Variants in TLE1 observed in about 807,000 individuals in gnomAD.
TLE1 encodes the protein TLE family member 1, transcriptional corepressor.
A neutral mutation model predicts 89.8 loss-of-function variants in TLE1; 21 were observed. That is an observed-to-expected ratio of 0.23 (90% CI 0.17 to 0.34). TLE1 has a LOEUF of 0.34. Among genes scored for constraint, TLE1 ranks in the 10% least tolerant of loss-of-function variants. TLE1 has a pLI of 1.00. For synonymous variants in TLE1, 447 were observed against 407.6 expected, an observed-to-expected ratio of 1.10 and a Z score of -1.16; for missense variants, 795 against 1,031.2, an observed-to-expected ratio of 0.77 and a Z score of 3.14.
intron 14 of TLE1, among the ~76,000 whole-genome samples, chr9:81,608,130 T>C (rs1831929137): frequency 6.6e-6 from 1 of 152,106 alleles, no homozygotes; most frequent in Non-Finnish European, 1.5e-5. Flanking sequence ...TTCACCATGC[T>C]GGGCGTGGTG....
Position 81,688,961 on chromosome 9 carries a change from T to G in TLE1, c.-721A>C, listed in dbSNP as rs1834710377. The stretch of plus-strand genomic sequence containing the variant: ...TCGGCACGCCCCGTGCGACCAGCAC[T>G]CGGTGTTCTCCGCGGTTGCACAAAC... On this transcript the variant is annotated 5_prime_UTR_variant, in exon 1 of 20. Transcript: ENST00000376499. 1 of 152,128 alleles carries G rather than the reference T, an allele frequency of 6.6e-6. No homozygotes were observed. Among genetic ancestry groups the G allele is most frequent in the African/African-American group, 2.4e-5 (1 of 41,362 alleles). 9.4% of individuals were successfully genotyped at this position (152,128 alleles called of 1,614,324 possible).
At chr9:81,612,412 A>C in intron 12 of TLE1, 1 of 959,962 alleles carries the variant, frequency 1.0e-6, no homozygotes, top group Non-Finnish European at 1.2e-6. Flanking sequence ...ACGTAAACCA[A>C]AGCACGGGTT....
At chr9:81,666,935 T>C (rs976962979) in intron 4 of TLE1, among the ~76,000 whole-genome samples, 6 of 151,550 alleles carry the variant, frequency 4.0e-5, no homozygotes, top group Admixed American at 1.3e-4. Flanking sequence ...CTGGGCAACA[T>C]AGTGAGACCT....
At chr9:81,624,251 G>T (rs1825648965) in intron 8 of TLE1, among the ~76,000 whole-genome samples, 1 of 152,118 alleles carries the variant, frequency 6.6e-6, no homozygotes, top group South Asian at 2.1e-4. Context: ...ATAGAAACGT[G>T]TAATTTTTAA....
intron 14 of TLE1, among the ~76,000 whole-genome samples, chr9:81,608,503 G>C (rs1187838024): frequency 6.6e-6 from 1 of 152,082 alleles, no homozygotes; most frequent in East Asian, 1.9e-4. Context: ...AACAGAGCAA[G>C]ACCCTGTTTC....
intron 18 of TLE1, among the ~76,000 whole-genome samples, chr9:81,585,275 T>A (rs1263956467): frequency 6.6e-6 from 1 of 152,080 alleles, no homozygotes; most frequent in Non-Finnish European, 1.5e-5. Flanking sequence ...CAAACTTGTG[T>A]CCAAACCGTG....
chr9:81,652,058 T>G, intron 6 of TLE1, 156 bp downstream of exon 6: 1 of 659,462 alleles, frequency 1.5e-6, no homozygotes, highest in Non-Finnish European at 2.5e-6. Flanking sequence ...ACATCCCAAG[T>G]CTCTTCCTCT....
At chr9:81,625,709 G>A (rs1825811568) in intron 8 of TLE1, among the ~76,000 whole-genome samples, 1 of 152,006 alleles carries the variant, frequency 6.6e-6, no homozygotes, top group African/African-American at 2.4e-5. Flanking sequence ...ACTTTATCCT[G>A]ACCATTCAAC....
intron 13 of TLE1, among the ~76,000 whole-genome samples, chr9:81,611,427 G>A (rs554607147): frequency 6.6e-6 from 1 of 152,148 alleles, no homozygotes; most frequent in South Asian, 2.1e-4. Flanking sequence ...TGAACCACTC[G>A]AATCATTTCA....
At position 81,584,033 on chromosome 9, in the gene TLE1, T is replaced by G. The variant is rs1156734075; in HGVS notation, c.*165A>C. Reference sequence around the variant, plus strand: ...ATGTAGACAGGTGACTTTCTGCTGATGGACTTGTCGCCTCCTCTTTGTAGA... The same window carrying G: ...ATGTAGACAGGTGACTTTCTGCTGAGGGACTTGTCGCCTCCTCTTTGTAGA... On this transcript the variant is annotated 3_prime_UTR_variant, in exon 20 of 20. Coordinates refer to ENST00000376499, the MANE Select transcript of TLE1 (RefSeq NM_005077.5). 3.2e-6 allele frequency: 2 copies of G among 634,532 alleles called. No homozygotes were observed. Among genetic ancestry groups the G allele is most frequent in the African/African-American group, 3.7e-5 (2 of 54,468 alleles). The allele number at this position is 634,532 out of a possible 1,614,324, so 39.3% of individuals were successfully genotyped here.
At chr9:81,650,997 T>A (rs879702282) in intron 6 of TLE1, among the ~76,000 whole-genome samples, 18 of 152,204 alleles carry the variant, frequency 1.2e-4, no homozygotes, top group Non-Finnish European at 2.4e-4. Context: ...CATTCTTTAA[T>A]CCTCCTTGGC....
At chr9:81,664,912 T>C (rs1269873116) in intron 4 of TLE1, among the ~76,000 whole-genome samples, 2 of 152,216 alleles carry the variant, frequency 1.3e-5, no homozygotes, top group South Asian at 2.1e-4. Context: ...CCTGAGGCTC[T>C]TGGACTGGGG....
At chr9:81,650,948 T>C (rs1025117095) in intron 6 of TLE1, among the ~76,000 whole-genome samples, 2 of 152,186 alleles carry the variant, frequency 1.3e-5, no homozygotes, top group Non-Finnish European at 2.9e-5. Context: ...AGATCTGCAA[T>C]TGAGAAACTG....
chr9:81,585,490 T>C lies in TLE1; in HGVS notation c.2128+15A>G, dbSNP rs755553931. The C allele has an allele frequency of 7.5e-6, 12 of 1,605,142 alleles. No individual in the cohort carries two copies. The highest frequency in any genetic ancestry group is 6.8e-6 in the Non-Finnish European group (8 of 1,174,646). Reference sequence around the variant, plus strand: ...GGCCATCAACGGCCTCCAGTTTCCTTTCGGCTGAACTCACCACAGTAAGCA... The same window carrying C: ...GGCCATCAACGGCCTCCAGTTTCCTCTCGGCTGAACTCACCACAGTAAGCA... On this transcript the variant is annotated intron_variant, in intron 18 of 19. Transcript: ENST00000376499.
At chr9:81,664,646 T>TGAGCC (rs925841945) in intron 4 of TLE1, among the ~76,000 whole-genome samples, 9 of 151,992 alleles carry the variant, frequency 5.9e-5, no homozygotes, top group African/African-American at 2.2e-4. Context: ...GAGGATACCT[T>TGAGCC]GAGCCCAGGA....
At chr9:81,685,742 A>G (rs1201522593) in intron 3 of TLE1, 22 bp from the exon 4 acceptor site, 3 of 1,612,512 alleles carry the variant, frequency 1.9e-6, no homozygotes, top group Non-Finnish European at 2.5e-6. Context: ...AAAAAGAATC[A>G]AGCATTTCAT....
In TLE1 at chr9:81,664,108, G is replaced by A. The variant is rs191307228; in HGVS notation, c.235-10072C>T. On this transcript the variant is annotated intron_variant, in intron 4 of 19. Coordinates refer to ENST00000376499, the MANE Select transcript of TLE1 (RefSeq NM_005077.5). ...AAACACATCTCTAGTTCCTGAAGAT[G>A]ACGTCTTATTTTTATACCTAAAGAA... is the stretch of plus-strand genomic sequence containing the variant. Among the ~76,000 whole-genome samples, 6 of 152,110 alleles carry A rather than the reference G, an allele frequency of 3.9e-5. No individual in the cohort carries two copies. The East Asian group carries it at 9.7e-4, about 25-fold the overall frequency.
intron 4 of TLE1, among the ~76,000 whole-genome samples, chr9:81,662,996 C>T (rs1831009105): frequency 1.3e-5 from 2 of 151,868 alleles, no homozygotes; most frequent in African/African-American, 4.8e-5. Flanking sequence ...TACAGGTGTG[C>T]ACCACCACGT....
intron 2 of TLE1, 24 bp from the exon 3 acceptor site, chr9:81,685,920 T>C: frequency 1.2e-6 from 2 of 1,611,636 alleles, no homozygotes; most frequent in Non-Finnish European, 1.7e-6. Context: ...ACAGGCAACT[T>C]AATGTAAACA....
Sources: gnomAD v4.1 joint callset for allele counts (sites outside exome capture counted in the v4.1 genomes callset) on GRCh38, gnomAD v4.1.1 for gene constraint, MANE v1.5 for transcripts, NCBI Gene and HGNC (gene_info 2026-07-23, HGNC 2026-07-21) for gene names.